TEP1: variants seen among roughly 807,000 people sequenced by gnomAD.
TEP1 encodes the protein telomerase protein component 1.
TEP1 carries 241 observed loss-of-function variants against 306.3 expected under a neutral mutation model. That is an observed-to-expected ratio of 0.79 (90% CI 0.71 to 0.88). The LOEUF is 0.88. TEP1 is among the 40% of genes least tolerant of loss of function. The probability of loss-of-function intolerance (pLI) is 0.00; values close to 1 mark genes in which losing one functional copy is unlikely to be tolerated. For synonymous variants in TEP1, 1,289 were observed against 1,305.5 expected (o/e 0.99, Z 0.27); for missense variants, 3,051 against 3,276.1 (o/e 0.93, Z 1.68).
intron 9 of TEP1, among the ~76,000 whole-genome samples, chr14:20,398,696 G>A (rs887640567): frequency 3.3e-5 from 5 of 152,074 alleles, no homozygotes; most frequent in African/African-American, 7.2e-5. Flanking sequence ...TAGGAGGTGT[G>A]ATTTTCTTTT....
Position 20,400,326 on chromosome 14 carries a change from C to T in TEP1, c.1549+658G>A, listed in dbSNP as rs574955538. ...TGTGTGTGTGTGCAGTGGCTCATGCCTATAATTCCAGCACTTTGGGAGGCC... is the reference window on the plus strand; with the variant it reads ...TGTGTGTGTGTGCAGTGGCTCATGCTTATAATTCCAGCACTTTGGGAGGCC... On this transcript the variant is annotated intron_variant, in intron 9 of 54. Transcript: ENST00000262715. 1.3e-4 allele frequency among the ~76,000 whole-genome samples: 19 copies of T among 151,020 alleles called. No homozygotes were observed. In the South Asian group the frequency reaches 3.8e-3, roughly 30 times the overall value.
At position 20,408,340 on chromosome 14, in the gene TEP1, GT is replaced by G; in HGVS notation, c.99del (p.Lys33AsnfsTer15). On this transcript the variant is annotated frameshift_variant, in exon 2 of 55. Transcript: ENST00000262715. LOFTEE classifies it high-confidence loss of function. ...AMLPDLQPLE[K>X]LHQHVSTHSD... ...GAGTGGGTAGATACATGCTGATGTAGTTTCTCCAAGGGCTGTAAGTCAGGGA... is the reference window on the plus strand; with the variant it reads ...GAGTGGGTAGATACATGCTGATGTAGTTCTCCAAGGGCTGTAAGTCAGGGA... 1.2e-6 allele frequency: 2 copies of G among 1,613,480 alleles called. No homozygotes were observed. The highest frequency in any genetic ancestry group is 1.7e-6 in the Non-Finnish European group (2 of 1,179,926).
intron 12 of TEP1, among the ~76,000 whole-genome samples, chr14:20,394,841 T>G (rs557433204): frequency 6.8e-4 from 103 of 152,246 alleles, no homozygotes; most frequent in African/African-American, 2.4e-3. Context: ...ATTCAGGAGA[T>G]TCCTAGTTAC....
intron 9 of TEP1, 72 bp from the exon 10 acceptor site, chr14:20,396,802 T>C: frequency 9.2e-7 from 1 of 1,083,428 alleles, no homozygotes; most frequent in Non-Finnish European, 1.3e-6. Flanking sequence ...ACCTATAATC[T>C]CAGCTACCAA....
Position 20,403,814 on chromosome 14 carries a change from T to G in TEP1, c.1103A>C (p.Lys368Thr). The stretch of plus-strand genomic sequence containing the variant: ...CTGGTACTCGTCAAACTGGGCAAAT[T>G]TGTCCGTCATGGCAGTACGGAGACA... ...PACLRTAMTD[K>T]FAQFDEYQLA... Residue 368 changes from lysine to threonine, a missense_variant, in exon 6 of 55, where the codon AAA (lysine) becomes ACA (threonine). Physicochemically the swap from Lys to Thr is moderately conservative, Grantham distance 78. This residue lies in a region of TEP1 where 1,507 missense variants were observed against 1,550.5 expected (regional missense o/e 0.97). Coordinates refer to ENST00000262715, the MANE Select transcript of TEP1 (RefSeq NM_007110.5). 1 of 1,614,022 alleles carries G rather than the reference T, an allele frequency of 6.2e-7. No individual in the cohort carries two copies. The highest frequency in any genetic ancestry group is 8.5e-7 in the Non-Finnish European group (1 of 1,179,998).
chr14:20,368,771 C>T (rs1360380892), intron 54 of TEP1, 27 bp downstream of exon 54: 2 of 1,554,440 alleles, frequency 1.3e-6, no homozygotes, highest in African/African-American at 2.8e-5. Context: ...CACGCACACA[C>T]ACACACACAC....
At chr14:20,383,094 G>A (rs1876737358) in intron 27 of TEP1, 80 bp downstream of exon 27, 10 of 1,458,968 alleles carry the variant, frequency 6.9e-6, no homozygotes, top group Non-Finnish European at 9.2e-6. Context: ...GTGCAAGGCA[G>A]CTAGCGGCCT....
rs759750847 is a variant in TEP1, at chr14:20,382,078, T to C, written c.4274-15A>G. The C allele has an allele frequency of 4.3e-6, 7 of 1,613,660 alleles. No individual in the cohort carries two copies. The Admixed American group carries it at 1.2e-4, about 27-fold the overall frequency. On this transcript the variant is annotated splice_polypyrimidine_tract_variant and intron_variant, in intron 29 of 54. Coordinates refer to ENST00000262715, the MANE Select transcript of TEP1 (RefSeq NM_007110.5). ...CACAGTCAAACCTGAAAACTCAAGC[T>C]CTCTGAGGCCCTCATCTAACCATAC...
At chr14:20,377,817 A>G in intron 39 of TEP1, 64 bp from the exon 40 acceptor site, 1 of 1,589,188 alleles carries the variant, frequency 6.3e-7, no homozygotes, top group Non-Finnish European at 8.6e-7. Context: ...TCCTGTTTTG[A>G]GTTACAGCCA....
chr14:20,397,385 T>C (rs187488183), intron 9 of TEP1, among the ~76,000 whole-genome samples: 2 of 152,250 alleles, frequency 1.3e-5, no homozygotes, highest in African/African-American at 4.8e-5. Context: ...GTCTGGTGCC[T>C]CTAATCCCAG....
rs887312837 is a variant in TEP1, at chr14:20,386,618, C to A, written c.2690G>T (p.Arg897Leu). Residue 897 changes from arginine to leucine, a missense_variant, in exon 19 of 55, where the codon CGC becomes CTC. By Grantham distance (102) the Arg-to-Leu change is moderately radical. Coordinates refer to ENST00000262715, the MANE Select transcript of TEP1 (RefSeq NM_007110.5). ...PLAPVSQQGW[R>L]SIRLFISSTF... Reference sequence around the variant, plus strand: ...GGATGAAATGAAAAGCCGGATGCTGCGCCATCTGGGGATAAGCAGAGAGCT... The same window carrying A: ...GGATGAAATGAAAAGCCGGATGCTGAGCCATCTGGGGATAAGCAGAGAGCT... 5 of 1,596,702 alleles carry A rather than the reference C, an allele frequency of 3.1e-6. No individual in the cohort carries two copies. Among genetic ancestry groups the A allele is most frequent in the African/African-American group, 1.3e-5 (1 of 74,750 alleles).
In TEP1 at chr14:20,368,158, T is replaced by G. The variant is rs1884585571; in HGVS notation, c.*279A>C. On this transcript the variant is annotated 3_prime_UTR_variant, in exon 55 of 55. Coordinates refer to ENST00000262715, the MANE Select transcript of TEP1 (RefSeq NM_007110.5). ...ATTCTAAAACCTAGTTTCAAAAGAG[T>G]ACCTACTAAAGATTTCATTCACTTT... 7.7e-6 allele frequency: 2 copies of G among 258,426 alleles called. No homozygotes were observed. The highest frequency in any genetic ancestry group is 1.5e-5 in the Non-Finnish European group (2 of 136,220). The allele number at this position is 258,426 out of a possible 1,614,324, so 16.0% of individuals were successfully genotyped here.
In TEP1 at chr14:20,404,807, C is replaced by G. The variant is rs4987229; in HGVS notation, c.871-35G>C. Reference sequence around the variant, plus strand: ...AGGGTGAGAGGACTAGAATCTCAGTCACTCCTCCCGTAGCTTTCTGCCCTG... The same window carrying G: ...AGGGTGAGAGGACTAGAATCTCAGTGACTCCTCCCGTAGCTTTCTGCCCTG... On this transcript the variant is annotated intron_variant, in intron 4 of 54. Coordinates refer to ENST00000262715, the MANE Select transcript of TEP1 (RefSeq NM_007110.5). 6,487 of 1,569,496 alleles carry G rather than the reference C, an allele frequency of 4.1e-3. 189 individuals are homozygous for G. In the African/African-American group the frequency reaches 0.07, roughly 17 times the overall value.
rs745435784 is a variant in TEP1 at position 20,384,460 on chromosome 14, G to A, written c.3270C>T (p.Gly1090=). The change falls in exon 23 of 55, where the codon GGC becomes GGT. Residue 1090 remains glycine (G), a synonymous_variant. Transcript: ENST00000262715. ...CCAACTGCCCAAACTCCTCCAGCCC[G>A]CCAACATAGGGCCGGCCAGCTGCCA... ...GGVAAGRPYV[G]GLEEFGQLVL... is the part of the protein sequence containing the mutation. 5.0e-6 allele frequency: 8 copies of A among 1,613,866 alleles called. No homozygotes were observed. The highest frequency in any genetic ancestry group is 2.2e-5 in the East Asian group (1 of 44,884).
chr14:20,383,978 T>C lies in TEP1; in HGVS notation c.3534+60A>G, dbSNP rs933097319. 7 of 1,585,812 alleles carry C rather than the reference T, an allele frequency of 4.4e-6. 1 individual carries two copies. In the Admixed American group the frequency reaches 8.7e-5, roughly 20 times the overall value. ...TTTACATGCCTGAGCTCCCTGTGCC[T>C]TACCTCCTTAGCCCACACAGCCTTC... On this transcript the variant is annotated intron_variant, in intron 24 of 54. Transcript: ENST00000262715.
chr14:20,374,640 C>T (rs1297445519), intron 43 of TEP1, 104 bp from the exon 44 acceptor site: 4 of 649,004 alleles, frequency 6.2e-6, no homozygotes, highest in Non-Finnish European at 1.0e-5. Flanking sequence ...AATTAAGGGC[C>T]TGGGTTCTCC....
At chr14:20,377,989 C>T in intron 39 of TEP1, 35 bp downstream of exon 39, 1 of 1,608,248 alleles carries the variant, frequency 6.2e-7, no homozygotes, top group Non-Finnish European at 8.5e-7. Context: ...TGCTACTCCT[C>T]CTCACAACCC....
intron 15 of TEP1, 84 bp downstream of exon 15, chr14:20,390,597 G>T: frequency 7.4e-7 from 1 of 1,356,434 alleles, no homozygotes; most frequent in Non-Finnish European, 1.1e-6. Context: ...GGAGAAGTCA[G>T]CTCTAAAGGT....
chr14:20,400,857 A>C, intron 9 of TEP1, 127 bp downstream of exon 9: 6 of 1,184,478 alleles, frequency 5.1e-6, no homozygotes, highest in African/African-American at 1.6e-5. Context: ...GACCTTATAA[A>C]TCAAATACAA....
Sources: allele counts gnomAD v4.1 joint callset (sites outside exome capture counted in the v4.1 genomes callset), GRCh38; gene constraint gnomAD v4.1.1; regional missense constraint gnomAD v4.1.1; transcripts MANE v1.5; gene names NCBI Gene and HGNC (gene_info 2026-07-23, HGNC 2026-07-21).